Variants in DISP3 observed in about 807,000 individuals in gnomAD.
DISP3 encodes the protein protein dispatched homolog 3.
DISP3 carries 101 observed loss-of-function variants against 135.3 expected under a neutral mutation model. The ratio of observed to expected loss-of-function variants is 0.75; its 90% CI spans 0.64 to 0.88. DISP3 has a LOEUF of 0.88. DISP3 is among the 40% of genes least tolerant of loss of function. The pLI is 0.00. For synonymous variants in DISP3, 856 were observed against 817.0 expected (o/e 1.05, Z -0.81); for missense variants, 1,713 against 1,878.6 (o/e 0.91, Z 1.63).
chr1:11,507,272 G>T (rs1641732020), intron 3 of DISP3, among the ~76,000 whole-genome samples: 1 of 152,170 alleles, frequency 6.6e-6, no homozygotes, highest in Non-Finnish European at 1.5e-5. Context: ...TCTACCTCTA[G>T]TTTGCCCTAG....
At chr1:11,498,094 C>T (rs1224690544) in intron 1 of DISP3, among the ~76,000 whole-genome samples, 1 of 152,242 alleles carries the variant, frequency 6.6e-6, no homozygotes, top group Non-Finnish European at 1.5e-5. Flanking sequence ...CAAATGCTGT[C>T]TGCAGGGTAT....
At chr1:11,497,149 C>T (rs893380337) in intron 1 of DISP3, among the ~76,000 whole-genome samples, 33 of 152,166 alleles carry the variant, frequency 2.2e-4, no homozygotes, top group African/African-American at 8.0e-4. Flanking sequence ...GCTTATGTGG[C>T]TTGGGATCTG....
intron 3 of DISP3, among the ~76,000 whole-genome samples, chr1:11,506,539 T>A (rs1320320226): frequency 6.6e-6 from 1 of 152,200 alleles, no homozygotes; most frequent in African/African-American, 2.4e-5. Context: ...GAGGTTTTAA[T>A]GTTATTGTTC....
In DISP3 at chr1:11,526,763, C is replaced by T. The variant is rs1407001235; in HGVS notation, c.2726C>T (p.Ala909Val). 2 of 1,613,828 alleles carry T rather than the reference C, an allele frequency of 1.2e-6. No homozygotes were observed. The highest frequency in any genetic ancestry group is 3.3e-5 in the Admixed American group (2 of 60,026). The stretch of plus-strand genomic sequence containing the variant: ...CGCAAGTGGATGCTGACGACCTTGG[C>T]CTGTGATGCCAAGCGGGGCTGGAAG... The part of the protein sequence containing the change: ...PSRKWMLTTL[A>V]CDAKRGWKFD... The change falls in exon 13 of 21, where the codon GCC (alanine) becomes GTC (valine). Residue 909 changes from alanine (A) to valine (V), a missense_variant. By Grantham distance (64) the Ala-to-Val change is moderately conservative (BLOSUM62 0). This residue lies in a region of DISP3 where 1,142 missense variants were observed against 1,384.6 expected (regional missense o/e 0.82). Transcript: ENST00000294484.
At chr1:11,509,442 C>T (rs1386022818) in intron 3 of DISP3, among the ~76,000 whole-genome samples, 2 of 151,916 alleles carry the variant, frequency 1.3e-5, no homozygotes, top group Non-Finnish European at 2.9e-5. Flanking sequence ...TCTTCTATAT[C>T]CTTACTGATT....
At chr1:11,533,643 G>C in intron 17 of DISP3, 1 of 640,950 alleles carries the variant, frequency 1.6e-6, no homozygotes, top group South Asian at 1.8e-5. Flanking sequence ...TGAAGCCCCA[G>C]GCAGTTCCAG....
chr1:11,484,353 G>T (rs1640979651), intron 1 of DISP3, among the ~76,000 whole-genome samples: 1 of 152,214 alleles, frequency 6.6e-6, no homozygotes. Flanking sequence ...AGAAGGTGAA[G>T]GTTTGGAACT....
chr1:11,501,577 C>CT lies in DISP3; in HGVS notation c.585_586insT (p.Thr196TyrfsTer11), dbSNP rs774025073. On this transcript the variant is annotated frameshift_variant, in exon 2 of 21. Coordinates refer to ENST00000294484, the MANE Select transcript of DISP3 (RefSeq NM_020780.2). LOFTEE classifies it high-confidence loss of function. This position sits in a 1 kb window ranked among gnomAD's most constrained non-coding sequence, Gnocchi z 4.9. ...GGGACACTTCCGCGGCTCAAAAGCCCACAGCCAATCGGAGCGGGCGACTTC... is the reference window on the plus strand; with the variant it reads ...GGGACACTTCCGCGGCTCAAAAGCCCTACAGCCAATCGGAGCGGGCGACTTC... 3 of 1,591,754 alleles carry CT rather than the reference C, an allele frequency of 1.9e-6. No individual in the cohort carries two copies. Among genetic ancestry groups the CT allele is most frequent in the Non-Finnish European group, 2.6e-6 (3 of 1,167,242 alleles).
chr1:11,526,939 C>T (rs35367501), intron 13 of DISP3, 104 bp downstream of exon 13: 168,888 of 1,331,362 alleles, frequency 0.13, 12,673 homozygotes, highest in East Asian at 0.24. Context: ...CAGCAGGCCC[C>T]CTCACTTTTT....
Position 11,519,712 on chromosome 1 carries a change from C to A in DISP3, c.2039-7C>A, listed in dbSNP as rs1642122315. The A allele has an allele frequency of 1.9e-6, 3 of 1,612,020 alleles. No individual in the cohort carries two copies. The highest frequency in any genetic ancestry group is 2.5e-6 in the Non-Finnish European group (3 of 1,179,652). ...GGCTCTGACGGGCCACTGCTCTGCC[C>A]TGGCAGTGTCACTGGAGCTGGGAGA... On this transcript the variant is annotated splice_region_variant and splice_polypyrimidine_tract_variant and intron_variant, in intron 8 of 20. Coordinates refer to ENST00000294484, the MANE Select transcript of DISP3 (RefSeq NM_020780.2). This position sits in a 1 kb window ranked among gnomAD's most constrained non-coding sequence, Gnocchi z 4.3.
chr1:11,534,487 G>C lies in DISP3; in HGVS notation c.3482G>C (p.Arg1161Pro), dbSNP rs776607837. The C allele has an allele frequency of 3.7e-6, 6 of 1,613,888 alleles. No homozygotes were observed. The South Asian group carries it at 4.4e-5, about 12-fold the overall frequency. The change falls in exon 18 of 21, where the codon CGC (arginine) becomes CCC (proline). Residue 1161 changes from arginine (R) to proline (P), a missense_variant. Physicochemically the swap from Arg to Pro is moderately radical, Grantham distance 103. Around this residue, in one of 2 missense-constraint regions of DISP3, gnomAD observed 1,142 missense variants for 1,384.6 expected, o/e 0.82. Coordinates refer to ENST00000294484, the MANE Select transcript of DISP3 (RefSeq NM_020780.2). ...GCCTTGCCCGAGGGCTCAGTCCTGC[G>C]CCGGGGCTTCCAGACCTGCGAGCAC... ...LQALPEGSVL[R>P]RGFQTCEHWK...
At chr1:11,527,772 G>C (rs1642466548) in intron 13 of DISP3, among the ~76,000 whole-genome samples, 1 of 152,104 alleles carries the variant, frequency 6.6e-6, no homozygotes, top group Non-Finnish European at 1.5e-5. Context: ...TGCTCTCTGT[G>C]CCTAGAATGC....
chr1:11,524,003 G>GA lies in DISP3; in HGVS notation c.2425dup (p.Arg809LysfsTer10). On this transcript the variant is annotated frameshift_variant, in exon 11 of 21. Transcript: ENST00000294484. LOFTEE classifies it high-confidence loss of function. Reference sequence around the variant, plus strand: ...ACATCCGGACGTCCCTGGAGAAGAAGAGGCGAGGCTCAGGGGTCCCCTGGG... The same window carrying GA: ...ACATCCGGACGTCCCTGGAGAAGAAGAAGGCGAGGCTCAGGGGTCCCCTGGG... 6.2e-7 allele frequency: 1 copy of GA among 1,613,574 alleles called. No individual in the cohort carries two copies. The highest frequency in any genetic ancestry group is 1.1e-5 in the South Asian group (1 of 91,066).
intron 17 of DISP3, among the ~76,000 whole-genome samples, chr1:11,532,312 C>T (rs1038695591): frequency 3.9e-5 from 6 of 152,236 alleles, no homozygotes; most frequent in Non-Finnish European, 8.8e-5. Flanking sequence ...GAGACCTGGG[C>T]TCAATCGTTG....
intron 3 of DISP3, 122 bp downstream of exon 3, chr1:11,503,019 T>C (rs187128536): frequency 1.2e-5 from 11 of 901,380 alleles, no homozygotes; most frequent in South Asian, 7.1e-5. Context: ...TCTTTCCAAA[T>C]TGGGGCAGAA....
intron 12 of DISP3, 120 bp downstream of exon 12, chr1:11,525,432 C>T (rs947738505): frequency 4.0e-6 from 5 of 1,238,730 alleles, no homozygotes; most frequent in African/African-American, 1.5e-5. Flanking sequence ...AGGATGAAGA[C>T]CCCCCTCCCC....
rs1439324637 is a variant in DISP3 at position 11,516,943 on chromosome 1, T to C, written c.1750-520T>C. On this transcript the variant is annotated intron_variant, in intron 6 of 20. Transcript: ENST00000294484. The surrounding 1 kb of genome is among the most constrained non-coding windows in gnomAD (Gnocchi z 5.1). ...TGAGATGCGAGGATGATTGTGAAAG[T>C]GTTTCACAGAGTGTAGGCTGCTCTG... is the stretch of plus-strand genomic sequence containing the variant. 1.3e-5 allele frequency among the ~76,000 whole-genome samples: 2 copies of C among 152,150 alleles called. No homozygotes were observed. Among genetic ancestry groups the C allele is most frequent in the Admixed American group, 1.3e-4 (2 of 15,282 alleles).
At chr1:11,480,963 C>T (rs1028919742) in intron 1 of DISP3, among the ~76,000 whole-genome samples, 6 of 152,026 alleles carry the variant, frequency 3.9e-5, no homozygotes, top group Admixed American at 1.3e-4. Context: ...TTAGTCCAGA[C>T]ACACACATGT....
chr1:11,522,109 C>G (rs998030428), intron 10 of DISP3, among the ~76,000 whole-genome samples: 3 of 152,088 alleles, frequency 2.0e-5, no homozygotes, highest in Admixed American at 2.0e-4. Flanking sequence ...AGAGATGGCT[C>G]CTTGATTTTG....
Sources: allele counts gnomAD v4.1 joint callset (sites outside exome capture counted in the v4.1 genomes callset), GRCh38; gene constraint gnomAD v4.1.1; regional missense constraint gnomAD v4.1.1; non-coding constraint Gnocchi (gnomAD v3.1); transcripts MANE v1.5; gene names NCBI Gene and HGNC (gene_info 2026-07-23, HGNC 2026-07-21).